The following PCSK2 variants were observed in gnomAD, a reference collection of about 807,000 sequenced individuals.
PCSK2 encodes the protein neuroendocrine convertase 2.
PCSK2 carries 14 observed loss-of-function variants against 69.7 expected under a neutral mutation model. The ratio of observed to expected loss-of-function variants is 0.20; its 90% CI spans 0.13 to 0.31. The LOEUF is 0.31. Among genes scored for constraint, PCSK2 ranks in the 10% least tolerant of loss-of-function variants. The pLI, the probability that PCSK2 is intolerant of heterozygous loss-of-function variation, is 1.00. For missense variants in PCSK2, 544 were observed against 842.5 expected (o/e 0.65, Z 4.39); for synonymous variants, 307 against 320.7 (o/e 0.96, Z 0.46).
intron 11 of PCSK2, among the ~76,000 whole-genome samples, chr20:17,477,557 T>C (rs2033314536): frequency 6.6e-6 from 1 of 152,110 alleles, no homozygotes; most frequent in South Asian, 2.1e-4. Context: ...GACTGAGAAG[T>C]TTTGATGTGC....
At chr20:17,310,172 G>A (rs1463682415) in intron 2 of PCSK2, among the ~76,000 whole-genome samples, 1 of 152,112 alleles carries the variant, frequency 6.6e-6, no homozygotes, top group East Asian at 1.9e-4. Flanking sequence ...ATGGCACCAA[G>A]GAGTGCCATT....
In PCSK2 at chr20:17,429,551, C is replaced by T. The variant is rs771904864; in HGVS notation, c.709+28C>T. The T allele has an allele frequency of 2.1e-6, 3 of 1,452,510 alleles. No homozygotes were observed. In the South Asian group the frequency reaches 3.4e-5, roughly 17 times the overall value. 90.0% of individuals were successfully genotyped at this position (1,452,510 alleles called of 1,614,324 possible). A position where few individuals can be genotyped will look rare whatever the true frequency, so the allele number is the denominator to read the frequency against. ...AAGCCATCCCTGCCAAACAGAGGCCCCCACTAGGTATCACACTGATCTCAA... is the reference window on the plus strand; with the variant it reads ...AAGCCATCCCTGCCAAACAGAGGCCTCCACTAGGTATCACACTGATCTCAA... On this transcript the variant is annotated intron_variant, in intron 7 of 11. Transcript: ENST00000262545.
At chr20:17,347,800 GAAAGA>G (rs1568611946) in intron 2 of PCSK2, among the ~76,000 whole-genome samples, 4 of 68,820 alleles carry the variant, frequency 5.8e-5, no homozygotes, top group African/African-American at 1.8e-4. Flanking sequence ...AAGAAAGAAA[GAAAGA>G]AAGAAAGAAA....
Position 17,423,952 on chromosome 20 carries a change from AT to A in PCSK2, c.621-5482del, listed in dbSNP as rs1250417013. Among the ~76,000 whole-genome samples the A allele has an allele frequency of 7.2e-5, 11 of 152,310 alleles. No individual in the cohort carries two copies. In the East Asian group the frequency reaches 2.1e-3, roughly 29 times the overall value. The stretch of plus-strand genomic sequence containing the variant: ...CTAGCAAAAATGGTAACATTCAACA[AT>A]GATCAATGTTGAAAAGGATTGAGCA... On this transcript the variant is annotated intron_variant, in intron 6 of 11. Transcript: ENST00000262545.
chr20:17,472,328 G>A (rs574078361), intron 11 of PCSK2, among the ~76,000 whole-genome samples: 13 of 152,336 alleles, frequency 8.5e-5, no homozygotes, highest in South Asian at 8.3e-4. Context: ...AGAGGTCAGC[G>A]TGTGCTCGGC....
intron 2 of PCSK2, among the ~76,000 whole-genome samples, chr20:17,318,987 G>C (rs992155457): frequency 2.0e-5 from 3 of 152,204 alleles, no homozygotes; most frequent in Non-Finnish European, 4.4e-5. Flanking sequence ...TTCTGAGCCA[G>C]TGTTTGAAGA....
chr20:17,420,173 A>G (rs997064088), intron 6 of PCSK2, among the ~76,000 whole-genome samples: 1 of 152,194 alleles, frequency 6.6e-6, no homozygotes, highest in African/African-American at 2.4e-5. Flanking sequence ...GAAGAACCCC[A>G]AGCAACAGGC....
intron 5 of PCSK2, among the ~76,000 whole-genome samples, chr20:17,384,938 GA>G (rs771439999): frequency 6.6e-6 from 1 of 152,082 alleles, no homozygotes; most frequent in African/African-American, 2.4e-5. Context: ...AAAAAAATAA[GA>G]AAAAGTATTT....
intron 2 of PCSK2, among the ~76,000 whole-genome samples, chr20:17,281,115 A>G (rs929828404): frequency 6.6e-6 from 1 of 151,294 alleles, no homozygotes; most frequent in African/African-American, 2.4e-5. Context: ...CACCTTCAAG[A>G]CTCTCCATCT....
chr20:17,390,034 C>T (rs2031333575), intron 5 of PCSK2, among the ~76,000 whole-genome samples: 1 of 152,176 alleles, frequency 6.6e-6, no homozygotes, highest in African/African-American at 2.4e-5. Flanking sequence ...ATAAATAAAA[C>T]TGTGATGTGT....
At chr20:17,312,363 C>T (rs987955857) in intron 2 of PCSK2, among the ~76,000 whole-genome samples, 3 of 151,984 alleles carry the variant, frequency 2.0e-5, no homozygotes, top group Non-Finnish European at 4.4e-5. Flanking sequence ...TTTTGAGGGC[C>T]AATAACAACC....
intron 10 of PCSK2, 58 bp from the exon 11 acceptor site, chr20:17,465,268 T>G: frequency 8.6e-7 from 1 of 1,156,948 alleles, no homozygotes; most frequent in Non-Finnish European, 1.3e-6. Context: ...TGTGCCTCTC[T>G]CCCTCTCTCA....
chr20:17,321,612 G>A (rs528655872), intron 2 of PCSK2, among the ~76,000 whole-genome samples: 2 of 152,176 alleles, frequency 1.3e-5, no homozygotes, highest in Non-Finnish European at 2.9e-5. Flanking sequence ...TGATCCTACA[G>A]GGAGAAACAA....
At chr20:17,398,156 T>C (rs2031555722) in intron 5 of PCSK2, among the ~76,000 whole-genome samples, 1 of 152,110 alleles carries the variant, frequency 6.6e-6, no homozygotes. Flanking sequence ...GAGAAGATTA[T>C]AACAGGGAGG....
At chr20:17,277,697 A>G (rs1462333689) in intron 2 of PCSK2, among the ~76,000 whole-genome samples, 7 of 150,582 alleles carry the variant, frequency 4.6e-5, no homozygotes, top group Non-Finnish European at 7.4e-5. Context: ...AGCAATGGCA[A>G]CAAAAGCCAA....
rs542736813 is a variant in PCSK2, at chr20:17,294,165, C to T, written c.282+33821C>T. Among the ~76,000 whole-genome samples the T allele has an allele frequency of 1.4e-3, 180 of 129,714 alleles. 3 individuals are homozygous for T. Among genetic ancestry groups the T allele is most frequent in the Non-Finnish European group, 1.4e-3 (89 of 64,652 alleles). The allele number at this position is 129,714 out of a possible 152,430, so 85.1% of individuals were successfully genotyped here. On this transcript the variant is annotated intron_variant, in intron 2 of 11. Coordinates refer to ENST00000262545, the MANE Select transcript of PCSK2 (RefSeq NM_002594.5). ...TTTAGCCCAGGCCGGATTGCAGTGG[C>T]GCGATCTCGGCTCACTGCAAGCTCC...
At chr20:17,472,170 GC>G in intron 11 of PCSK2, among the ~76,000 whole-genome samples, 1 of 152,326 alleles carries the variant, frequency 6.6e-6, no homozygotes, top group South Asian at 2.1e-4. Context: ...TAACACAGCT[GC>G]CCCCAGCCCC....
chr20:17,287,602 G>A (rs560607087), intron 2 of PCSK2, among the ~76,000 whole-genome samples: 1 of 152,134 alleles, frequency 6.6e-6, no homozygotes, highest in Non-Finnish European at 1.5e-5. Context: ...TATAACTAGT[G>A]GCTAAGCATC....
intron 3 of PCSK2, among the ~76,000 whole-genome samples, chr20:17,358,880 A>C (rs1316977363): frequency 6.6e-6 from 1 of 152,246 alleles, no homozygotes; most frequent in East Asian, 1.9e-4. Flanking sequence ...AAGCTTGGAG[A>C]CTAAAGTAGC....
Sources: gnomAD v4.1 joint callset for allele counts (sites outside exome capture counted in the v4.1 genomes callset) on GRCh38, gnomAD v4.1.1 for gene constraint, MANE v1.5 for transcripts, NCBI Gene and HGNC (gene_info 2026-07-23, HGNC 2026-07-21) for gene names.